CELF2: variants seen among roughly 807,000 people sequenced by gnomAD.
CELF2 encodes CUG triplet repeat RNA-binding protein 2.
In CELF2, 8 loss-of-function variants were observed where a neutral mutation model predicts 62.6. The observed-to-expected ratio is 0.13, with a 90% CI of 0.07 to 0.23. The LOEUF is 0.23. Ranked by LOEUF, CELF2 falls within the 10% of genes least tolerant of loss-of-function variation. CELF2 has a pLI of 1.00. For synonymous variants in CELF2, 258 were observed against 250.0 expected (o/e 1.03, Z -0.30); for missense variants, 333 against 671.0 (o/e 0.50, Z 5.56).
chr10:10,701,190 G>A, the CELF2 span, among the ~76,000 whole-genome samples: 1 of 152,236 alleles, frequency 6.6e-6, no homozygotes, highest in Non-Finnish European at 1.5e-5. Context: ...CTGGGAGAAA[G>A]GAGAGCATCT....
the CELF2 span, among the ~76,000 whole-genome samples, chr10:10,660,469 T>G: frequency 6.6e-6 from 1 of 152,322 alleles, no homozygotes; most frequent in South Asian, 2.1e-4. Context: ...CAACCACCAC[T>G]TACTTTAGCA....
chr10:10,657,657 C>G, the CELF2 span, among the ~76,000 whole-genome samples: 1 of 152,020 alleles, frequency 6.6e-6, no homozygotes, highest in African/African-American at 2.4e-5. Flanking sequence ...CCAAACAATA[C>G]TACACATGCC....
intron 2 of CELF2, among the ~76,000 whole-genome samples, chr10:10,989,551 A>T (rs546281966): frequency 6.6e-6 from 1 of 152,226 alleles, no homozygotes; most frequent in Admixed American, 6.5e-5. Context: ...ACCAAAATAC[A>T]TCGTGAATGG....
intron 10 of CELF2, chr10:11,320,984 G>C (rs2095410686): frequency 1.4e-6 from 2 of 1,468,522 alleles, no homozygotes; most frequent in African/African-American, 1.4e-5. Flanking sequence ...CCTAGGGAGT[G>C]AGGGTTCTCA....
At chr10:11,251,511 G>T (rs1336984772) in intron 4 of CELF2, among the ~76,000 whole-genome samples, 1 of 151,978 alleles carries the variant, frequency 6.6e-6, no homozygotes, top group African/African-American at 2.4e-5. Context: ...GGAGGACCGG[G>T]CACCGTTATT....
chr10:10,544,182 C>T, the CELF2 span, among the ~76,000 whole-genome samples: 1 of 152,176 alleles, frequency 6.6e-6, no homozygotes, highest in South Asian at 2.1e-4. Context: ...ACAGTGTCTC[C>T]CTTGGGCCAC....
chr10:10,879,175 G>A (rs1402182940), intron 1 of CELF2, among the ~76,000 whole-genome samples: 1 of 152,174 alleles, frequency 6.6e-6, no homozygotes, highest in Non-Finnish European at 1.5e-5. Context: ...ATAATGGAAA[G>A]TAAACACTGT....
At chr10:10,730,419 G>T in the CELF2 span, among the ~76,000 whole-genome samples, 1 of 152,194 alleles carries the variant, frequency 6.6e-6, no homozygotes, top group East Asian at 1.9e-4. Context: ...AGAAGTTGCA[G>T]TGAGCCAAGA....
the CELF2 span, among the ~76,000 whole-genome samples, chr10:10,572,172 G>T: frequency 1.3e-5 from 2 of 151,980 alleles, no homozygotes; most frequent in African/African-American, 4.8e-5. Context: ...AGTCCCATTT[G>T]CAAGGTTTAA....
At chr10:10,819,236 C>T (rs1199434009) in intron 1 of CELF2, among the ~76,000 whole-genome samples, 1 of 152,102 alleles carries the variant, frequency 6.6e-6, no homozygotes, top group Non-Finnish European at 1.5e-5. Flanking sequence ...GTTTTAGTTA[C>T]ATTTTAATTT....
rs940520982 is a variant in CELF2, at chr10:11,243,334, G to A, written c.355-5819G>A. Among the ~76,000 whole-genome samples the A allele has an allele frequency of 6.7e-6, 1 of 148,772 alleles. No homozygotes were observed. The highest frequency in any genetic ancestry group is 1.5e-5 in the Non-Finnish European group (1 of 67,678). Reference sequence around the variant, plus strand: ...CAAGAAGTTAACCATGTACCTTAACGTGCGGCTTTAGGCAAAATGTTATTC... The same window carrying A: ...CAAGAAGTTAACCATGTACCTTAACATGCGGCTTTAGGCAAAATGTTATTC... On this transcript the variant is annotated intron_variant, in intron 3 of 12. Transcript: ENST00000633077. This position sits in a 1 kb window ranked among gnomAD's most constrained non-coding sequence, Gnocchi z 4.1.
intron 1 of CELF2, among the ~76,000 whole-genome samples, chr10:10,840,264 T>A (rs1185127094): frequency 6.6e-6 from 1 of 152,232 alleles, no homozygotes. Flanking sequence ...AGACTCTGTT[T>A]AGCTTTGTGA....
At chr10:10,737,569 T>C in the CELF2 span, among the ~76,000 whole-genome samples, 3 of 152,126 alleles carry the variant, frequency 2.0e-5, no homozygotes, top group African/African-American at 7.2e-5. Flanking sequence ...GCGAAGTCAT[T>C]TGGAAAGCCT....
At chr10:10,898,246 G>A (rs1208703041) in intron 1 of CELF2, among the ~76,000 whole-genome samples, 2 of 152,200 alleles carry the variant, frequency 1.3e-5, no homozygotes, top group Non-Finnish European at 2.9e-5. Context: ...CATACCCAGT[G>A]TCTCACCAAA....
chr10:11,090,882 C>G (rs889410300), intron 1 of CELF2, among the ~76,000 whole-genome samples: 24 of 152,112 alleles, frequency 1.6e-4, no homozygotes, highest in Non-Finnish European at 2.9e-4. Flanking sequence ...ATGTAAACAA[C>G]TTTTTAATAA....
chr10:11,320,987 G>A (rs1178976991), intron 10 of CELF2: 1 of 1,441,508 alleles, frequency 6.9e-7, no homozygotes, highest in Non-Finnish European at 9.4e-7. Flanking sequence ...AGGGAGTGAG[G>A]GTTCTCATGG....
chr10:11,311,419 C>T lies in CELF2; in HGVS notation c.977-2720C>T, dbSNP rs572119332. Among the ~76,000 whole-genome samples, 1 of 152,028 alleles carries T rather than the reference C, an allele frequency of 6.6e-6. No individual in the cohort carries two copies. The highest frequency in any genetic ancestry group is 2.1e-4 in the South Asian group (1 of 4,798). On this transcript the variant is annotated intron_variant, in intron 9 of 12. Transcript: ENST00000633077. This position sits in a 1 kb window ranked among gnomAD's most constrained non-coding sequence, Gnocchi z 4.7. ...CAAATTATTCCTAGAAATAAAGTTC[C>T]AAGATATTTAAGCTCACAACCAAAA...
chr10:10,721,583 G>A, the CELF2 span, among the ~76,000 whole-genome samples: 18 of 152,276 alleles, frequency 1.2e-4, no homozygotes, highest in African/African-American at 4.3e-4. Context: ...TTTGAAACTG[G>A]AGTGCAATAA....
In CELF2 at chr10:10,809,531, A is replaced by G. The variant is rs139928115; in HGVS notation, c.53+10714A>G. Among the ~76,000 whole-genome samples, 107 of 152,322 alleles carry G rather than the reference A, an allele frequency of 7.0e-4. 1 individual carries two copies. Among genetic ancestry groups the G allele is most frequent in the African/African-American group, 2.4e-3 (101 of 41,574 alleles). ...TTAGGACAAAATTTCTCTTTTCCTTAGCAGAACCTAATAATCTTCAGACAC... is the reference window on the plus strand; with the variant it reads ...TTAGGACAAAATTTCTCTTTTCCTTGGCAGAACCTAATAATCTTCAGACAC... On this transcript the variant is annotated intron_variant, in intron 1 of 13. Coordinates refer to the CELF2 transcript ENST00000636488.
Sources: allele counts gnomAD v4.1 joint callset (sites outside exome capture counted in the v4.1 genomes callset), GRCh38; gene constraint gnomAD v4.1.1; non-coding constraint Gnocchi (gnomAD v3.1); transcripts MANE v1.5; gene names NCBI Gene and HGNC (gene_info 2026-07-23, HGNC 2026-07-21).